Variants in DNAJC15 observed in about 807,000 individuals in gnomAD.
DNAJC15 encodes dnaJ homolog subfamily C member 15.
A neutral mutation model predicts 22.4 loss-of-function variants in DNAJC15; 27 were observed. The ratio of observed to expected loss-of-function variants is 1.20; its 90% CI spans 0.89 to 1.66. The LOEUF is 1.66. Ranked by LOEUF, DNAJC15 falls within the 40% of genes most tolerant of loss-of-function variation. DNAJC15 has a pLI of 0.00. For synonymous variants in DNAJC15, 79 were observed against 63.2 expected (o/e 1.25, Z -1.19); for missense variants, 208 against 187.1 (o/e 1.11, Z -0.65).
intron 5 of DNAJC15, among the ~76,000 whole-genome samples, chr13:43,100,987 G>A (rs55948889): frequency 0.017 from 2,552 of 152,122 alleles, 84 homozygotes; most frequent in East Asian, 0.1. Flanking sequence ...TGATTGGCCC[G>A]TTTTTCATTA....
rs1328741575 is a variant in DNAJC15 at position 43,042,585 on chromosome 13, A to G, written c.108+18851A>G. Among the ~76,000 whole-genome samples the G allele has an allele frequency of 2.0e-5, 3 of 152,110 alleles. No individual in the cohort carries two copies. The East Asian group carries it at 5.8e-4, about 29-fold the overall frequency. Reference sequence around the variant, plus strand: ...AAGCCAGCAGATTCAAAAGAGGGAGAGCTTATCTTGAGAAAAAATGTCATG... The same window carrying G: ...AAGCCAGCAGATTCAAAAGAGGGAGGGCTTATCTTGAGAAAAAATGTCATG... On this transcript the variant is annotated intron_variant, in intron 1 of 5. Transcript: ENST00000379221.
chr13:43,027,119 A>T (rs2040384036), intron 1 of DNAJC15, among the ~76,000 whole-genome samples: 1 of 152,258 alleles, frequency 6.6e-6, no homozygotes, highest in Non-Finnish European at 1.5e-5. Context: ...AAAAGTAGAA[A>T]AGAAACTTTA....
chr13:43,078,438 A>T (rs1166106659), intron 3 of DNAJC15, among the ~76,000 whole-genome samples, 174 bp from the exon 4 acceptor site: 1 of 152,162 alleles, frequency 6.6e-6, no homozygotes, highest in Admixed American at 6.5e-5. Context: ...TTAAGACTTC[A>T]TATTGGTCAA....
chr13:43,104,672 C>A (rs1215121101), intron 5 of DNAJC15, among the ~76,000 whole-genome samples: 1 of 149,962 alleles, frequency 6.7e-6, no homozygotes, highest in Admixed American at 6.7e-5. Flanking sequence ...TTTTTTTGTT[C>A]TTTTTCTTTT....
intron 5 of DNAJC15, among the ~76,000 whole-genome samples, chr13:43,092,756 T>G (rs2040721370): frequency 6.6e-6 from 1 of 152,010 alleles, no homozygotes; most frequent in South Asian, 2.1e-4. Context: ...CAGTAAAAAT[T>G]TAAAAAAATT....
intron 4 of DNAJC15, among the ~76,000 whole-genome samples, chr13:43,085,064 C>A (rs912441): frequency 1.3e-5 from 2 of 152,006 alleles, no homozygotes; most frequent in African/African-American, 4.8e-5. Flanking sequence ...GCAATACTGG[C>A]ATTAAAATCC....
At chr13:43,070,885 G>A (rs1195406133) in intron 3 of DNAJC15, among the ~76,000 whole-genome samples, 1 of 152,202 alleles carries the variant, frequency 6.6e-6, no homozygotes, top group Non-Finnish European at 1.5e-5. Flanking sequence ...TAGAGCCAGA[G>A]TAGAAGCTGT....
At chr13:43,092,502 ATG>A (rs199498561) in intron 5 of DNAJC15, among the ~76,000 whole-genome samples, 17 of 90,648 alleles carry the variant, frequency 1.9e-4, no homozygotes, top group East Asian at 4.4e-4. Flanking sequence ...ACACACACAC[ATG>A]TGTGTGTGTA....
At chr13:43,083,109 AT>A (rs2040670944) in intron 4 of DNAJC15, among the ~76,000 whole-genome samples, 1 of 151,910 alleles carries the variant, frequency 6.6e-6, no homozygotes, top group Admixed American at 6.6e-5. Flanking sequence ...TTTTACAGTC[AT>A]TTTTGGAGGG....
intron 1 of DNAJC15, among the ~76,000 whole-genome samples, chr13:43,050,722 G>C (rs2040499051): frequency 6.6e-6 from 1 of 151,942 alleles, no homozygotes. Context: ...TACAAAGAGA[G>C]GTAATTTAGA....
intron 5 of DNAJC15, among the ~76,000 whole-genome samples, chr13:43,104,120 T>C (rs1373346774): frequency 6.6e-6 from 1 of 152,172 alleles, no homozygotes; most frequent in Non-Finnish European, 1.5e-5. Flanking sequence ...GGCAAATATA[T>C]ATGTGCATGT....
At chr13:43,029,248 T>C (rs541925512) in intron 1 of DNAJC15, among the ~76,000 whole-genome samples, 2 of 152,336 alleles carry the variant, frequency 1.3e-5, no homozygotes, top group South Asian at 4.1e-4. Flanking sequence ...ATTTATATGG[T>C]AAAAGTTAAA....
At chr13:43,078,549 G>A (rs2153441343) in intron 3 of DNAJC15, 63 bp from the exon 4 acceptor site, 1 of 1,388,378 alleles carries the variant, frequency 7.2e-7, no homozygotes, top group Non-Finnish European at 1.0e-6. Flanking sequence ...TACATGATGA[G>A]ATTGAGGTCA....
At chr13:43,087,040 G>T (rs1198375023) in intron 5 of DNAJC15, among the ~76,000 whole-genome samples, 2 of 152,118 alleles carry the variant, frequency 1.3e-5, no homozygotes, top group African/African-American at 2.4e-5. Context: ...TTTATTATTT[G>T]CAAAATGACA....
In DNAJC15 at chr13:43,053,290, G is replaced by C. The variant is rs546652973; in HGVS notation, c.109-12396G>C. 6.6e-5 allele frequency among the ~76,000 whole-genome samples: 10 copies of C among 152,306 alleles called. No individual in the cohort carries two copies. In the South Asian group the frequency reaches 1.9e-3, roughly 28 times the overall value. On this transcript the variant is annotated intron_variant, in intron 1 of 5. Transcript: ENST00000379221. The stretch of plus-strand genomic sequence containing the variant: ...CCTGTTTTTGTACCAGTACCATGCT[G>C]TTTTGGTGACTATGGCTTTATAGTA...
chr13:43,111,295 G>A lies in DNAJC15; in HGVS notation c.*4047G>A, dbSNP rs1442754237. The A allele has an allele frequency of 2.0e-5, 3 of 152,088 alleles. No homozygotes were observed. Among genetic ancestry groups the A allele is most frequent in the African/African-American group, 7.2e-5 (3 of 41,426 alleles). The allele number at this position is 152,088 out of a possible 1,614,324, so 9.4% of individuals were successfully genotyped here. On this transcript the variant is annotated 3_prime_UTR_variant, in exon 6 of 6. Coordinates refer to ENST00000379221, the MANE Select transcript of DNAJC15 (RefSeq NM_013238.3). Reference sequence around the variant, plus strand: ...AAAGATATAAATTCATTCTTAAAATGTGCAACATGTTCAAACTGAAAAAAA... The same window carrying A: ...AAAGATATAAATTCATTCTTAAAATATGCAACATGTTCAAACTGAAAAAAA...
intron 1 of DNAJC15, among the ~76,000 whole-genome samples, chr13:43,046,538 C>T (rs2040477992): frequency 6.6e-6 from 1 of 151,808 alleles, no homozygotes; most frequent in South Asian, 2.1e-4. Context: ...AGAGGGCTCA[C>T]TAAAATACAA....
At chr13:43,078,785 A>G (rs764328908) in intron 4 of DNAJC15, 97 bp downstream of exon 4, 5 of 1,007,018 alleles carry the variant, frequency 5.0e-6, no homozygotes, top group Non-Finnish European at 7.1e-6. Flanking sequence ...ACTTAAAATT[A>G]TGAGTAGGTG....
At chr13:43,040,273 T>TGTAGGAAGA (rs2040447429) in intron 1 of DNAJC15, among the ~76,000 whole-genome samples, 1 of 152,334 alleles carries the variant, frequency 6.6e-6, no homozygotes, top group African/African-American at 2.4e-5. Flanking sequence ...AGTTCTTTCT[T>TGTAGGAAGA]CCTAACAAAT....
Sources: allele counts gnomAD v4.1 joint callset (sites outside exome capture counted in the v4.1 genomes callset), GRCh38; gene constraint gnomAD v4.1.1; transcripts MANE v1.5; gene names NCBI Gene and HGNC (gene_info 2026-07-23, HGNC 2026-07-21).